The following ETV1 variants were observed in gnomAD, a reference collection of about 807,000 sequenced individuals.
The protein encoded by ETV1 is ETS variant transcription factor 1.
In ETV1, 27 loss-of-function variants were observed where a neutral mutation model predicts 62.3. That is an observed-to-expected ratio of 0.43 (90% CI 0.32 to 0.60). The LOEUF is 0.60. Among genes scored for constraint, ETV1 ranks in the 20% least tolerant of loss-of-function variants. The pLI, the probability that ETV1 is intolerant of heterozygous loss-of-function variation, is 0.06. For missense variants in ETV1, 605 were observed against 605.8 expected (o/e 1.00, Z 0.01); for synonymous variants, 222 against 199.6 (o/e 1.11, Z -0.94).
chr7:13,952,551 A>G (rs1037218527), intron 6 of ETV1, among the ~76,000 whole-genome samples: 2 of 152,164 alleles, frequency 1.3e-5, no homozygotes, highest in Non-Finnish European at 2.9e-5. Flanking sequence ...ATATTTAAGA[A>G]GGGAGGGAGG....
chr7:13,947,434 A>C (rs2128468250), intron 6 of ETV1, among the ~76,000 whole-genome samples: 1 of 152,038 alleles, frequency 6.6e-6, no homozygotes, highest in Admixed American at 6.5e-5. Context: ...ATAATATTTA[A>C]CCATTTTCAA....
intron 6 of ETV1, among the ~76,000 whole-genome samples, chr7:13,965,146 G>A (rs975979640): frequency 6.6e-6 from 1 of 152,124 alleles, no homozygotes; most frequent in Non-Finnish European, 1.5e-5. Flanking sequence ...GCCAAAACCT[G>A]TGCATAAACA....
At chr7:13,966,726 TCA>T (rs1406880207) in intron 6 of ETV1, among the ~76,000 whole-genome samples, 4 of 152,178 alleles carry the variant, frequency 2.6e-5, no homozygotes, top group African/African-American at 9.6e-5. Context: ...ATGTAATAGA[TCA>T]GAGTCTGAAT....
intron 8 of ETV1, among the ~76,000 whole-genome samples, chr7:13,933,920 A>G (rs578105628): frequency 1.1e-4 from 17 of 152,242 alleles, no homozygotes; most frequent in Non-Finnish European, 2.2e-4. Flanking sequence ...AACCAGGCAC[A>G]CTGCTTATTC....
intron 6 of ETV1, among the ~76,000 whole-genome samples, chr7:13,964,273 T>C (rs77422456): frequency 0.037 from 5,632 of 152,250 alleles, 359 homozygotes; most frequent in African/African-American, 0.13. Context: ...GCTTCAATAC[T>C]ACCCATACAT....
intron 10 of ETV1, among the ~76,000 whole-genome samples, chr7:13,910,228 C>CTTTT (rs58867942): frequency 0.078 from 9,368 of 120,048 alleles, 404 homozygotes; most frequent in Middle Eastern, 0.14. Flanking sequence ...AAAAGTTTCC[C>CTTTT]TTTTTTTTTT....
intron 9 of ETV1, among the ~76,000 whole-genome samples, chr7:13,918,501 C>G (rs977223857): frequency 6.6e-6 from 1 of 151,970 alleles, no homozygotes; most frequent in Non-Finnish European, 1.5e-5. Flanking sequence ...CAATGATAGA[C>G]TGGATTAAGA....
chr7:13,965,076 A>G (rs534438234), intron 6 of ETV1, among the ~76,000 whole-genome samples: 1 of 152,254 alleles, frequency 6.6e-6, no homozygotes, highest in Non-Finnish European at 1.5e-5. Flanking sequence ...TACTGCCTCC[A>G]TTCCCAAACG....
intron 3 of ETV1, chr7:13,988,447 C>A: frequency 1.7e-6 from 1 of 586,532 alleles, no homozygotes; most frequent in South Asian, 2.3e-5. Flanking sequence ...GGTATCTCAG[C>A]ATCAAAACAA....
intron 6 of ETV1, among the ~76,000 whole-genome samples, chr7:13,946,034 A>G (rs992073725): frequency 2.0e-5 from 3 of 152,220 alleles, no homozygotes; most frequent in Non-Finnish European, 2.9e-5. Flanking sequence ...AGTTACAGGC[A>G]TCTGCGTTGT....
Position 13,939,174 on chromosome 7 carries a change from C to T in ETV1, c.308G>A (p.Cys103Tyr). The change falls in exon 7 of 14, where the codon TGC (cysteine) becomes TAC (tyrosine). Residue 103 changes from cysteine (C) to tyrosine (Y), a missense_variant. Around this residue, in one of 3 missense-constraint regions of ETV1, gnomAD observed 426 missense variants for 377.8 expected, o/e 1.13. Coordinates refer to ENST00000430479, the MANE Select transcript of ETV1 (RefSeq NM_004956.5). ...HSPCSEISSA[C>Y]SQEQPFKFSY... ...GAATTTAAAGGGCTGTTCTTGACTG[C>T]AGGCAGAGCTGATTTCTGAACATGG... The T allele has an allele frequency of 6.2e-7, 1 of 1,613,210 alleles. No homozygotes were observed. Among genetic ancestry groups the T allele is most frequent in the Non-Finnish European group, 8.5e-7 (1 of 1,179,622 alleles).
chr7:13,914,644 T>G (rs896531742), intron 9 of ETV1, among the ~76,000 whole-genome samples: 6 of 151,882 alleles, frequency 4.0e-5, no homozygotes, highest in Admixed American at 1.3e-4. Flanking sequence ...AAAAGTTACC[T>G]TCTTCTCTGT....
chr7:13,931,593 T>G lies in ETV1; in HGVS notation c.711A>C (p.Glu237Asp), dbSNP rs754658233. ...FKQEYHDPVY[E>D]HNTMVGSAAS... ...CCGCACTGCCAACCATGGTGTTGTG[T>G]TCATACACTGGGTCGTGGTACTCCT... Residue 237 changes from glutamate (E) to aspartate (D), a missense_variant, in exon 9 of 14, where the codon GAA becomes GAC. Physicochemically the swap from Glu to Asp is conservative, Grantham distance 45 (BLOSUM62 2). This residue lies in a region of ETV1 where 426 missense variants were observed against 377.8 expected (regional missense o/e 1.13). Transcript: ENST00000430479. 6.2e-7 allele frequency: 1 copy of G among 1,614,042 alleles called. No homozygotes were observed. The highest frequency in any genetic ancestry group is 1.7e-5 in the Admixed American group (1 of 60,024).
At chr7:13,914,674 A>G (rs1254640388) in intron 9 of ETV1, among the ~76,000 whole-genome samples, 3 of 152,034 alleles carry the variant, frequency 2.0e-5, no homozygotes, top group African/African-American at 4.8e-5. Context: ...TGCATTTTCA[A>G]GCTATGCTGG....
At chr7:13,960,926 G>A (rs1341402322) in intron 6 of ETV1, among the ~76,000 whole-genome samples, 2 of 152,050 alleles carry the variant, frequency 1.3e-5, no homozygotes, top group Admixed American at 6.6e-5. Flanking sequence ...AGGATCACTT[G>A]GGTCCACAAG....
intron 6 of ETV1, among the ~76,000 whole-genome samples, chr7:13,973,307 A>T (rs565083017): frequency 6.6e-6 from 1 of 152,308 alleles, no homozygotes; most frequent in South Asian, 2.1e-4. Context: ...TTTTAAAAAT[A>T]TCCCCATAGA....
At chr7:13,941,763 G>A (rs1364611756) in intron 6 of ETV1, among the ~76,000 whole-genome samples, 2 of 151,844 alleles carry the variant, frequency 1.3e-5, no homozygotes, top group African/African-American at 2.4e-5. Context: ...TCCAGCTATC[G>A]GGAGGCTGGG....
chr7:13,908,296 C>T (rs186240400), intron 11 of ETV1, among the ~76,000 whole-genome samples: 11 of 152,136 alleles, frequency 7.2e-5, no homozygotes, highest in Admixed American at 7.2e-4. Flanking sequence ...TGACTTTGGC[C>T]TGTCAGATTA....
chr7:13,939,664 T>C (rs1787246187), intron 6 of ETV1, among the ~76,000 whole-genome samples: 1 of 152,186 alleles, frequency 6.6e-6, no homozygotes, highest in South Asian at 2.1e-4. Context: ...AAGGAAAATA[T>C]ATCAACTGCA....
Sources: allele counts gnomAD v4.1 joint callset (sites outside exome capture counted in the v4.1 genomes callset), GRCh38; gene constraint gnomAD v4.1.1; regional missense constraint gnomAD v4.1.1; transcripts MANE v1.5; gene names NCBI Gene and HGNC (gene_info 2026-07-23, HGNC 2026-07-21).